TMEM63C: variants seen among roughly 807,000 people sequenced by gnomAD.
TMEM63C encodes osmosensitive cation channel TMEM63C.
In TMEM63C, 32 loss-of-function variants were observed where a neutral mutation model predicts 99.2. That is an observed-to-expected ratio of 0.32 (90% CI 0.24 to 0.43). The LOEUF is 0.43. Ranked by LOEUF, TMEM63C falls within the 20% of genes least tolerant of loss-of-function variation. The pLI, the probability that TMEM63C is intolerant of heterozygous loss-of-function variation, is 1.00. For missense variants in TMEM63C, 826 were observed against 1,053.0 expected (o/e 0.78, Z 2.98); for synonymous variants, 376 against 397.9 (o/e 0.94, Z 0.66).
At chr14:77,240,931 CTTTTTTTTTTTTTTTCTTTTTT>C (rs200114131) in intron 13 of TMEM63C, among the ~76,000 whole-genome samples, 1 of 128,482 alleles carries the variant, frequency 7.8e-6, no homozygotes, top group African/African-American at 3.1e-5. Context: ...TTCCCTTTTT[CTTTTTTTTTTTTTTTCTTTTTT>C]TTTTTTTTTC....
rs372052500 is a variant in TMEM63C at position 77,239,633 on chromosome 14, T to C, written c.837T>C (p.Tyr279=). ...RRHAMRGRLF[Y]TAKAKKTGKV... is the part of the protein sequence containing the mutation. ...ATGCCATGCGGGGCCGGCTTTTCTA[T>C]ACAGCCAAGGCCAAGAAGACTGGGA... The change falls in exon 12 of 24, where the codon TAT becomes TAC. Residue 279 remains tyrosine (Y), a synonymous_variant. Coordinates refer to ENST00000298351, the MANE Select transcript of TMEM63C (RefSeq NM_020431.4). The C allele has an allele frequency of 1.0e-4, 164 of 1,613,290 alleles. No individual in the cohort carries two copies. The highest frequency in any genetic ancestry group is 1.3e-4 in the Non-Finnish European group (159 of 1,179,754).
intron 6 of TMEM63C, among the ~76,000 whole-genome samples, chr14:77,226,330 G>A (rs566039270): frequency 6.6e-5 from 10 of 152,298 alleles, no homozygotes; most frequent in African/African-American, 2.4e-4. Flanking sequence ...GCATTGCACC[G>A]TGCATCCAGC....
At chr14:77,211,732 G>C (rs1888500588) in intron 1 of TMEM63C, among the ~76,000 whole-genome samples, 1 of 152,210 alleles carries the variant, frequency 6.6e-6, no homozygotes, top group Admixed American at 6.5e-5. Flanking sequence ...AGACAACTTT[G>C]CCCAAGCCTA....
At chr14:77,183,283 C>T (rs776227054) in intron 1 of TMEM63C, among the ~76,000 whole-genome samples, 1 of 152,220 alleles carries the variant, frequency 6.6e-6, no homozygotes. Flanking sequence ...CTTCTCTTCG[C>T]ACCCCACAGT....
chr14:77,248,586 AC>A, intron 19 of TMEM63C, 77 bp downstream of exon 19: 1 of 1,539,816 alleles, frequency 6.5e-7, no homozygotes. Context: ...TGCTAGAAGC[AC>A]CAAGGGGGTT....
rs1332337079 is a variant in TMEM63C, at chr14:77,244,364, C to G, written c.1357C>G (p.Gln453Glu). 2 of 1,613,724 alleles carry G rather than the reference C, an allele frequency of 1.2e-6. No homozygotes were observed. Among genetic ancestry groups the G allele is most frequent in the South Asian group, 2.2e-5 (2 of 91,080 alleles). The change falls in exon 16 of 24, where the codon CAG becomes GAG. Residue 453 changes from glutamine to glutamate, a missense_variant. Transcript: ENST00000298351. ...CCCCCTGCAGAACCCAATTGTGACC[C>G]AGTTCTTCCCCTCTGTGATGCTCTG... ...IEKLQNPIVT[Q>E]FFPSVMLWGF...
At chr14:77,215,242 T>C (rs1171996919) in intron 2 of TMEM63C, among the ~76,000 whole-genome samples, 1 of 152,026 alleles carries the variant, frequency 6.6e-6, no homozygotes, top group East Asian at 1.9e-4. Flanking sequence ...TCACCAAACA[T>C]CCAACATCCG....
intron 1 of TMEM63C, among the ~76,000 whole-genome samples, chr14:77,186,484 G>A (rs8009737): frequency 0.022 from 3,288 of 152,162 alleles, 107 homozygotes; most frequent in African/African-American, 0.075. Context: ...AGGGAGGATT[G>A]CTTGAGCCCA....
At chr14:77,215,107 G>T (rs1888557539) in intron 2 of TMEM63C, among the ~76,000 whole-genome samples, 1 of 152,138 alleles carries the variant, frequency 6.6e-6, no homozygotes, top group South Asian at 2.1e-4. Flanking sequence ...AGCAAGTCTG[G>T]CTGCTCTCGT....
Position 77,236,796 on chromosome 14 carries a change from C to G in TMEM63C, c.651+64C>G, listed in dbSNP as rs1021899531. ...TGGGGTCCCTCCCCACTGGGCTGAC[C>G]ACTTCCAACCCTCAGAGAAGCCCTC... On this transcript the variant is annotated intron_variant, in intron 9 of 23. Coordinates refer to ENST00000298351, the MANE Select transcript of TMEM63C (RefSeq NM_020431.4). 7.1e-6 allele frequency: 8 copies of G among 1,121,694 alleles called. No individual in the cohort carries two copies. The East Asian group carries it at 1.9e-4, about 27-fold the overall frequency. The allele number at this position is 1,121,694 out of a possible 1,614,324, so 69.5% of individuals were successfully genotyped here. A position where few individuals can be genotyped will look rare whatever the true frequency, so the allele number is the denominator to read the frequency against.
Position 77,218,661 on chromosome 14 carries a change from G to A in TMEM63C, c.-13-140G>A, listed in dbSNP as rs116262749. 5.2e-4 allele frequency: 370 copies of A among 714,676 alleles called. 5 individuals are homozygous for A. The African/African-American group carries it at 6.0e-3, about 12-fold the overall frequency. 44.3% of individuals were successfully genotyped at this position (714,676 alleles called of 1,614,324 possible). A position where few individuals can be genotyped will look rare whatever the true frequency, so the allele number is the denominator to read the frequency against. On this transcript the variant is annotated intron_variant, in intron 2 of 23. Transcript: ENST00000298351. ...AGGGCTGTGTGCCGTCTCGTGGGCTGGCCCTCCTGTCTTGGGTCTGAAGTG... is the reference window on the plus strand; with the variant it reads ...AGGGCTGTGTGCCGTCTCGTGGGCTAGCCCTCCTGTCTTGGGTCTGAAGTG...
intron 13 of TMEM63C, among the ~76,000 whole-genome samples, chr14:77,241,200 C>T (rs112228490): frequency 0.034 from 5,228 of 152,208 alleles, 264 homozygotes; most frequent in African/African-American, 0.12. Flanking sequence ...ATCTGCCCAC[C>T]TCAGTCTCCC....
In TMEM63C at chr14:77,216,039, G is replaced by A. The variant is rs1274956667; in HGVS notation, c.-14+2531G>A. On this transcript the variant is annotated intron_variant, in intron 2 of 23. Transcript: ENST00000298351. ...AATTTGGCTGGGCGCAGTGGCTCGT[G>A]CCTCAAGTGAAAGAGAGATAGAGAG... is the stretch of plus-strand genomic sequence containing the variant. Among the ~76,000 whole-genome samples, 4 of 152,014 alleles carry A rather than the reference G, an allele frequency of 2.6e-5. No homozygotes were observed. In the East Asian group the frequency reaches 7.7e-4, roughly 29 times the overall value.
At chr14:77,253,595 G>A (rs1230001475) in intron 23 of TMEM63C, among the ~76,000 whole-genome samples, 1 of 152,238 alleles carries the variant, frequency 6.6e-6, no homozygotes, top group Non-Finnish European at 1.5e-5. Context: ...AAGAGCCACC[G>A]TGTACTCGGC....
At chr14:77,234,467 G>A (rs1889001178) in intron 8 of TMEM63C, among the ~76,000 whole-genome samples, 1 of 152,158 alleles carries the variant, frequency 6.6e-6, no homozygotes. Flanking sequence ...AACAAAAAGT[G>A]AATTCTAGTA....
chr14:77,206,030 GGA>G (rs1888393189), intron 1 of TMEM63C, among the ~76,000 whole-genome samples: 1 of 152,318 alleles, frequency 6.6e-6, no homozygotes, highest in Admixed American at 6.5e-5. Flanking sequence ...GTCACCTGGA[GGA>G]GAGTGCACAT....
At chr14:77,255,238 G>A (rs10151490) in intron 23 of TMEM63C, among the ~76,000 whole-genome samples, 145 of 152,300 alleles carry the variant, frequency 9.5e-4, no homozygotes, top group African/African-American at 3.1e-3. Context: ...TGATCCACCC[G>A]CCTCGGCCTC....
At chr14:77,231,454 G>C in intron 6 of TMEM63C, 134 bp from the exon 7 acceptor site, 6 of 886,664 alleles carry the variant, frequency 6.8e-6, no homozygotes, top group Non-Finnish European at 1.0e-5. Context: ...TTATATATGA[G>C]ATATAGAGAT....
intron 1 of TMEM63C, among the ~76,000 whole-genome samples, chr14:77,193,499 C>T (rs905575948): frequency 6.6e-6 from 1 of 151,946 alleles, no homozygotes; most frequent in Admixed American, 6.6e-5. Context: ...AGTTTGAGAC[C>T]AGCCTAGGCA....
Sources: allele counts gnomAD v4.1 joint callset (sites outside exome capture counted in the v4.1 genomes callset), GRCh38; gene constraint gnomAD v4.1.1; transcripts MANE v1.5; gene names NCBI Gene and HGNC (gene_info 2026-07-23, HGNC 2026-07-21).